USP25: variants seen among roughly 807,000 people sequenced by gnomAD.
USP25 encodes the protein ubiquitin carboxyl-terminal hydrolase 25.
A neutral mutation model predicts 158.5 loss-of-function variants in USP25; 85 were observed. That is an observed-to-expected ratio of 0.54 (90% CI 0.45 to 0.64). USP25 has a LOEUF of 0.64. USP25 is among the 30% of genes least tolerant of loss of function. The pLI is 0.00. For synonymous variants in USP25, 464 were observed against 460.4 expected (o/e 1.01, Z -0.10); for missense variants, 1,242 against 1,327.3 (o/e 0.94, Z 1.00).
chr21:15,841,891 T>A (rs983495211), intron 17 of USP25, among the ~76,000 whole-genome samples: 3 of 152,150 alleles, frequency 2.0e-5, no homozygotes, highest in Non-Finnish European at 4.4e-5. Context: ...CGTGAATTTT[T>A]ATTGGTACCA....
chr21:15,831,300 T>C lies in USP25; in HGVS notation c.1765-101T>C. 3 of 1,081,586 alleles carry C rather than the reference T, an allele frequency of 2.8e-6. No homozygotes were observed. The South Asian group carries it at 4.4e-5, about 16-fold the overall frequency. 67.0% of individuals were successfully genotyped at this position (1,081,586 alleles called of 1,614,324 possible). On this transcript the variant is annotated intron_variant, in intron 15 of 25. Transcript: ENST00000400183. ...CTCTCTCATTTAAAAAAAAAAATGC[T>C]CTTATGGTTTTCTCCAAACAGGTTG...
chr21:15,871,393 C>T (rs369203457), intron 23 of USP25, among the ~76,000 whole-genome samples: 119 of 152,052 alleles, frequency 7.8e-4, no homozygotes, highest in Middle Eastern at 3.4e-3. Context: ...ATAATGTGAT[C>T]GTATAATTCA....
rs772086151 is a variant in USP25 at position 15,826,410 on chromosome 21, C to T, written c.1466+45C>T. On this transcript the variant is annotated intron_variant, in intron 13 of 25. Transcript: ENST00000400183. This position sits in a 1 kb window ranked among gnomAD's most constrained non-coding sequence, Gnocchi z 4.8. ...CAAGAGACAGTTGTTACCTTTATTACACAATAATGTAACTGCTGCCTTTAA... is the reference window on the plus strand; with the variant it reads ...CAAGAGACAGTTGTTACCTTTATTATACAATAATGTAACTGCTGCCTTTAA... 1.9e-6 allele frequency: 3 copies of T among 1,594,010 alleles called. No individual in the cohort carries two copies. Among genetic ancestry groups the T allele is most frequent in the Non-Finnish European group, 2.6e-6 (3 of 1,165,554 alleles).
chr21:15,864,038 T>G (rs1040805878), intron 20 of USP25, among the ~76,000 whole-genome samples: 59 of 149,360 alleles, frequency 4.0e-4, no homozygotes, highest in African/African-American at 1.3e-3. Flanking sequence ...CTTCTTTTTT[T>G]TTTTTTTTTT....
chr21:15,843,942 A>G lies in USP25; in HGVS notation c.2337+1402A>G, dbSNP rs977006073. ...ATCCTGATTTTAAGTTTGGAAAATC[A>G]TATGGAATTTAAATTTGCAGAAGTC... On this transcript the variant is annotated intron_variant, in intron 18 of 25. Transcript: ENST00000400183. This position sits in a 1 kb window ranked among gnomAD's most constrained non-coding sequence, Gnocchi z 4.0. Among the ~76,000 whole-genome samples the G allele has an allele frequency of 1.3e-4, 20 of 152,174 alleles. No individual in the cohort carries two copies. Among genetic ancestry groups the G allele is most frequent in the African/African-American group, 4.6e-4 (19 of 41,452 alleles).
intron 25 of USP25, 83 bp from the exon 26 acceptor site, chr21:15,878,220 T>G: frequency 6.6e-7 from 1 of 1,514,482 alleles, no homozygotes; most frequent in Non-Finnish European, 8.9e-7. Context: ...CCTATTAGAG[T>G]AAGTTAATAT....
intron 1 of USP25, 60 bp downstream of exon 1, chr21:15,730,498 C>T (rs901180955): frequency 3.1e-6 from 4 of 1,297,632 alleles, no homozygotes; most frequent in African/African-American, 1.6e-5. Context: ...TGTCCTCTCC[C>T]GCTGCGGCCG....
intron 5 of USP25, among the ~76,000 whole-genome samples, chr21:15,797,053 G>A (rs909930856): frequency 2.0e-5 from 3 of 151,366 alleles, no homozygotes; most frequent in African/African-American, 7.3e-5. Flanking sequence ...CACAACTGAA[G>A]AGATAATTAG....
Position 15,803,216 on chromosome 21 carries a change from C to G in USP25, c.643-1905C>G, listed in dbSNP as rs111723655. Among the ~76,000 whole-genome samples the G allele has an allele frequency of 2.1e-3, 315 of 151,792 alleles. 1 individual carries two copies. Among genetic ancestry groups the G allele is most frequent in the Middle Eastern group, 0.014 (4 of 294 alleles). On this transcript the variant is annotated intron_variant, in intron 6 of 25. Transcript: ENST00000400183. Reference sequence around the variant, plus strand: ...GATAACAATTCCCTATAAATTTGTACAGATACTTAAAAAGTAAAACTTCCC... The same window carrying G: ...GATAACAATTCCCTATAAATTTGTAGAGATACTTAAAAAGTAAAACTTCCC...
chr21:15,861,203 G>A (rs2039414441), intron 20 of USP25, among the ~76,000 whole-genome samples: 3 of 152,058 alleles, frequency 2.0e-5, no homozygotes, highest in South Asian at 4.1e-4. Flanking sequence ...CACACATATG[G>A]AGAACTTAAG....
At position 15,777,980 on chromosome 21, in the gene USP25, G is replaced by A; in HGVS notation, c.345G>A (p.Arg115=). 1 of 1,611,348 alleles carries A rather than the reference G, an allele frequency of 6.2e-7. No individual in the cohort carries two copies. The highest frequency in any genetic ancestry group is 1.1e-5 in the South Asian group (1 of 90,720). ...AIALSLAESN[R]AFRETGITDE... is the part of the protein sequence containing the mutation. ...CCTTGAGTTTGGCCGAATCAAACAG[G>A]GCATTCAGGGAGACTGGAATAACTG... Residue 115 remains arginine (R), a synonymous_variant, in exon 4 of 26, where the codon AGG becomes AGA. Coordinates refer to ENST00000400183, the MANE Select transcript of USP25 (RefSeq NM_001283041.3).
At chr21:15,782,782 A>G (rs555335096) in intron 4 of USP25, among the ~76,000 whole-genome samples, 1 of 152,302 alleles carries the variant, frequency 6.6e-6, no homozygotes, top group South Asian at 2.1e-4. Context: ...GCTCGTTAAA[A>G]TTGGAAAAAG....
chr21:15,862,099 A>G (rs1226827295), intron 20 of USP25, among the ~76,000 whole-genome samples: 2 of 152,154 alleles, frequency 1.3e-5, no homozygotes, highest in South Asian at 4.1e-4. Flanking sequence ...CACTCCGTGC[A>G]TGTAAACCTG....
intron 24 of USP25, chr21:15,877,137 A>G (rs892943029): frequency 1.3e-5 from 2 of 152,224 alleles, no homozygotes; most frequent in African/African-American, 4.8e-5. Context: ...AGAGTTGAAT[A>G]GTTGCAACAG....
intron 1 of USP25, among the ~76,000 whole-genome samples, chr21:15,736,534 C>T (rs1301915016): frequency 6.6e-6 from 1 of 151,868 alleles, no homozygotes; most frequent in Non-Finnish European, 1.5e-5. Context: ...ATGGATAGAC[C>T]AAATTTTCAT....
Position 15,877,800 on chromosome 21 carries a change from T to C in USP25, c.3014T>C (p.Leu1005Ser). The C allele has an allele frequency of 1.3e-6, 2 of 1,595,948 alleles. No individual in the cohort carries two copies. Among genetic ancestry groups the C allele is most frequent in the African/African-American group, 1.4e-5 (1 of 73,726 alleles). Residue 1005 changes from leucine to serine, a missense_variant, in exon 25 of 26, where the codon TTA (leucine) becomes TCA (serine). Around this residue, in one of 3 missense-constraint regions of USP25, gnomAD observed 608 missense variants for 605.2 expected, o/e 1.00. Transcript: ENST00000400183. ...SHYRRECLLK[L>S]NEQAAELFES... ...TTTTTCCTGCATTGCATTAAGAAAT[T>C]AAATGAGCAAGCCGCAGAACTCTTC... is the stretch of plus-strand genomic sequence containing the variant.
chr21:15,787,495 T>A (rs990955919), intron 4 of USP25, among the ~76,000 whole-genome samples: 3 of 147,378 alleles, frequency 2.0e-5, no homozygotes, highest in Non-Finnish European at 4.4e-5. Context: ...GGAGTAAATC[T>A]AAGAAATGTA....
chr21:15,850,887 G>A (rs763830043), intron 20 of USP25, among the ~76,000 whole-genome samples: 51 of 151,926 alleles, frequency 3.4e-4, no homozygotes, highest in Admixed American at 1.3e-4. Context: ...GATTTAAAGT[G>A]CTAAACTGGG....
rs1465208898 is a variant in USP25 at position 15,818,691 on chromosome 21, C to T, written c.932-7C>T. The T allele has an allele frequency of 6.2e-7, 1 of 1,602,196 alleles. No homozygotes were observed. Among genetic ancestry groups the T allele is most frequent in the Non-Finnish European group, 8.5e-7 (1 of 1,173,518 alleles). ...TTGAGTATTATTAATTTTCTCCCTT[C>T]TTATAGGTAAAAAATTTGAAAACAC... On this transcript the variant is annotated splice_region_variant and splice_polypyrimidine_tract_variant and intron_variant, in intron 9 of 25. Transcript: ENST00000400183.
Sources: allele counts gnomAD v4.1 joint callset (sites outside exome capture counted in the v4.1 genomes callset), GRCh38; gene constraint gnomAD v4.1.1; regional missense constraint gnomAD v4.1.1; non-coding constraint Gnocchi (gnomAD v3.1); transcripts MANE v1.5; gene names NCBI Gene and HGNC (gene_info 2026-07-23, HGNC 2026-07-21).